DNAH1: variants seen among roughly 807,000 people sequenced by gnomAD.
The protein encoded by DNAH1 is dynein axonemal heavy chain 1.
In DNAH1, 327 loss-of-function variants were observed where a neutral mutation model predicts 484.3. The ratio of observed to expected loss-of-function variants is 0.68; its 90% confidence interval spans 0.62 to 0.74. The LOEUF is 0.74. DNAH1 is among the 30% of genes least tolerant of loss of function. The pLI is 0.00. For missense variants in DNAH1, 5,052 were observed against 5,546.8 expected (o/e 0.91, Z 2.83); for synonymous variants, 2,192 against 2,191.9 (o/e 1.00, Z 0.00).
chr3:52,367,606 C>T (rs1212221881), intron 36 of DNAH1, among the ~76,000 whole-genome samples: 2 of 151,394 alleles, frequency 1.3e-5, no homozygotes, highest in Non-Finnish European at 2.9e-5. Flanking sequence ...CGAAGTTTCG[C>T]TCTTGTTGCC....
chr3:52,354,728 CG>C, intron 20 of DNAH1, 114 bp from the exon 21 acceptor site: 1 of 915,112 alleles, frequency 1.1e-6, no homozygotes, highest in South Asian at 1.6e-5. Flanking sequence ...TTTGCCAGAG[CG>C]GCCATGTGGA....
At position 52,326,165 on chromosome 3, in the gene DNAH1, CT is replaced by C; in HGVS notation, c.434del (p.Phe145SerfsTer56). On this transcript the variant is annotated frameshift_variant, in exon 4 of 78. Transcript: ENST00000420323. LOFTEE classifies it high-confidence loss of function. ...RVGSFEVPED[F>X]QERMEQQCIG... ...TCGGAAGCTTTGAGGTTCCTGAAGA[CT>C]TCCAGGAGCGCATGGAGCAGCAGTG... 6.2e-7 allele frequency: 1 copy of C among 1,611,280 alleles called. No individual in the cohort carries two copies. The highest frequency in any genetic ancestry group is 8.5e-7 in the Non-Finnish European group (1 of 1,178,604).
At position 52,332,390 on chromosome 3, in the gene DNAH1, C is replaced by A. The variant is rs1209802499; in HGVS notation, c.1282C>A (p.Pro428Thr). 3.7e-6 allele frequency: 6 copies of A among 1,612,260 alleles called. No individual in the cohort carries two copies. The African/African-American group carries it at 8.0e-5, about 22-fold the overall frequency. Reference protein sequence around the residue: ...ALSTPRMRKGPSVLEHLSSLA... With the variant: ...ALSTPRMRKGTSVLEHLSSLA... ...GAGCACGCCTCGGATGCGCAAAGGC[C>A]CCTCGTGAGTCCCCGCTCGGCCTTC... Residue 428 changes from proline to threonine, a missense_variant, in exon 8 of 78, where the codon CCC becomes ACC. Coordinates refer to ENST00000420323, the MANE Select transcript of DNAH1 (RefSeq NM_015512.5).
intron 8 of DNAH1, among the ~76,000 whole-genome samples, chr3:52,343,113 A>T (rs1702010225): frequency 6.6e-6 from 1 of 152,190 alleles, no homozygotes; most frequent in South Asian, 2.1e-4. Flanking sequence ...CAAGTCTCTG[A>T]GAGTCCAGTG....
chr3:52,323,324 G>T (rs1701218436), intron 2 of DNAH1, among the ~76,000 whole-genome samples: 3 of 152,032 alleles, frequency 2.0e-5, no homozygotes, highest in Admixed American at 1.3e-4. Flanking sequence ...GAGGCTGGGG[G>T]CAGGGAAAAG....
Position 52,390,980 on chromosome 3 carries a change from A to G in DNAH1, c.9667A>G (p.Ile3223Val). The stretch of plus-strand genomic sequence containing the variant: ...CACACTGTCAGTGGAGAACGGGGTC[A>G]TCAACCAGTTTTCCCAGCGCTGGAC... Reference protein sequence around the residue: ...NDTLSVENGVINQFSQRWTHF... With the variant: ...NDTLSVENGVVNQFSQRWTHF... Residue 3223 changes from isoleucine to valine, a missense_variant, in exon 61 of 78, where the codon ATC becomes GTC. Ile to Val is a conservative substitution (Grantham distance 29, BLOSUM62 3). Around this residue, in one of 4 missense-constraint regions of DNAH1, gnomAD observed 2,929 missense variants for 3,409.4 expected, o/e 0.86. Transcript: ENST00000420323. 1 of 1,552,970 alleles carries G rather than the reference A, an allele frequency of 6.4e-7. No individual in the cohort carries two copies. The highest frequency in any genetic ancestry group is 8.7e-7 in the Non-Finnish European group (1 of 1,147,682).
At chr3:52,371,738 T>C (rs781541502) in intron 41 of DNAH1, among the ~76,000 whole-genome samples, 5 of 152,234 alleles carry the variant, frequency 3.3e-5, no homozygotes, top group Non-Finnish European at 7.3e-5. Context: ...TCCCCATTCT[T>C]GGCTGTTTGT....
At chr3:52,340,722 A>C (rs1701907413) in intron 8 of DNAH1, among the ~76,000 whole-genome samples, 1 of 152,172 alleles carries the variant, frequency 6.6e-6, no homozygotes, top group Non-Finnish European at 1.5e-5. Context: ...GGCATGAGCC[A>C]CTGTGCCCGG....
At chr3:52,399,338 A>T in intron 76 of DNAH1, 137 bp downstream of exon 76, 1 of 1,059,330 alleles carries the variant, frequency 9.4e-7, no homozygotes, top group Non-Finnish European at 1.4e-6. Context: ...AGAAGAGGCC[A>T]TGAGTCCCAG....
chr3:52,335,105 T>C (rs1176515642), intron 8 of DNAH1, among the ~76,000 whole-genome samples: 2 of 145,496 alleles, frequency 1.4e-5, no homozygotes, highest in Admixed American at 1.4e-4. Flanking sequence ...TTTAAAAAAA[T>C]GTGTGATTTT....
chr3:52,324,652 C>T (rs1701269339), intron 3 of DNAH1, among the ~76,000 whole-genome samples: 3 of 152,148 alleles, frequency 2.0e-5, no homozygotes, highest in Admixed American at 1.3e-4. Context: ...TAGAAAACAT[C>T]ACGAGCATGT....
intron 6 of DNAH1, 132 bp from the exon 7 acceptor site, chr3:52,331,016 G>T: frequency 1.7e-6 from 2 of 1,154,304 alleles, no homozygotes; most frequent in Non-Finnish European, 2.4e-6. Context: ...GGAGCAGAGG[G>T]GGGCATCCCA....
rs36097098 is a variant in DNAH1 at position 52,331,619 on chromosome 3, C to CTTT, written c.1033+331_1033+333dup. 4.7e-3 allele frequency among the ~76,000 whole-genome samples: 520 copies of CTTT among 111,322 alleles called. 13 individuals carry two copies. The highest frequency in any genetic ancestry group is 0.014 in the Middle Eastern group (2 of 148). 73.0% of individuals were successfully genotyped at this position (111,322 alleles called of 152,430 possible). ...TATAACTCCTTGTCTAAATACTTTT[C>CTTT]TTTTTTTTTTTTTTTTTTTTTTTGA... On this transcript the variant is annotated intron_variant, in intron 7 of 77. Transcript: ENST00000420323.
chr3:52,328,528 AAC>A (rs1701433851), intron 6 of DNAH1, among the ~76,000 whole-genome samples: 1 of 152,350 alleles, frequency 6.6e-6, no homozygotes, highest in African/African-American at 2.4e-5. Context: ...ACCACACAGA[AAC>A]ACACTCTCCT....
chr3:52,393,589 G>A (rs1704491465), intron 66 of DNAH1, 104 bp downstream of exon 66: 8 of 1,504,912 alleles, frequency 5.3e-6, no homozygotes, highest in South Asian at 3.6e-5. Flanking sequence ...AAGGCACCGC[G>A]AGAGCAAAGT....
intron 14 of DNAH1, among the ~76,000 whole-genome samples, 193 bp from the exon 15 acceptor site, chr3:52,349,796 C>G (rs1296305836): frequency 6.6e-6 from 1 of 152,186 alleles, no homozygotes; most frequent in Non-Finnish European, 1.5e-5. Flanking sequence ...CCGGGTCATA[C>G]CCTTGCCCCA....
Position 52,375,339 on chromosome 3 carries a change from A to T in DNAH1, c.7085A>T (p.Asn2362Ile). The change falls in exon 45 of 78, where the codon AAC (asparagine) becomes ATC (isoleucine). Residue 2362 changes from asparagine to isoleucine, a missense_variant. This residue lies in a region of DNAH1 where 2,929 missense variants were observed against 3,409.4 expected (regional missense o/e 0.86). Transcript: ENST00000420323. ...TVTPRLMRHF[N>I]YLSFAEMDEV... Reference sequence around the variant, plus strand: ...ACCCCGCGGCTGATGCGTCACTTCAACTACCTGTCTTTCGCTGAGATGGAC... The same window carrying T: ...ACCCCGCGGCTGATGCGTCACTTCATCTACCTGTCTTTCGCTGAGATGGAC... 6.2e-7 allele frequency: 1 copy of T among 1,613,628 alleles called. No homozygotes were observed. Among genetic ancestry groups the T allele is most frequent in the Non-Finnish European group, 8.5e-7 (1 of 1,179,760 alleles).
chr3:52,370,855 C>T lies in DNAH1; in HGVS notation c.6525+30C>T. 1.9e-6 allele frequency: 3 copies of T among 1,558,402 alleles called. 1 individual carries two copies. In the South Asian group the frequency reaches 3.5e-5, roughly 18 times the overall value. On this transcript the variant is annotated intron_variant, in intron 41 of 77. Coordinates refer to ENST00000420323, the MANE Select transcript of DNAH1 (RefSeq NM_015512.5). ...CCGCAGGCCCTCCCCAGAGACTGCA[C>T]AGGGAGGGACCACTGGGTGGCTGCT...
At chr3:52,386,426 C>T in intron 55 of DNAH1, 81 bp downstream of exon 55, 2 of 1,455,038 alleles carry the variant, frequency 1.4e-6, no homozygotes, top group Non-Finnish European at 1.8e-6. Flanking sequence ...CCCTGGGACC[C>T]AGCAGCCTGC....
Sources: gnomAD v4.1 joint callset for allele counts (sites outside exome capture counted in the v4.1 genomes callset) on GRCh38, gnomAD v4.1.1 for gene constraint, gnomAD v4.1.1 regional missense constraint, MANE v1.5 for transcripts, NCBI Gene and HGNC (gene_info 2026-07-23, HGNC 2026-07-21) for gene names.